The following SGCD variants were observed in gnomAD, a reference collection of about 807,000 sequenced individuals.
The protein encoded by SGCD is sarcoglycan delta, also known as delta-sarcoglycan.
Under a neutral mutation model 36.6 loss-of-function variants are expected in SGCD, and 18 were observed. The observed-to-expected ratio is 0.49, with a 90% CI of 0.34 to 0.73. The LOEUF (loss-of-function observed/expected upper bound fraction) is 0.73, where lower values mean the gene tolerates loss of function less well. Among genes scored for constraint, SGCD ranks in the 30% least tolerant of loss-of-function variants. The pLI is 0.01. For synonymous variants in SGCD, 133 were observed against 130.6 expected, an observed-to-expected ratio of 1.02 and a Z score of -0.12; for missense variants, 387 against 346.7, an observed-to-expected ratio of 1.12 and a Z score of -0.92.
intron 2 of SGCD, among the ~76,000 whole-genome samples, chr5:156,334,628 T>TC (rs1167047318): frequency 6.7e-6 from 1 of 149,900 alleles, no homozygotes; most frequent in African/African-American, 2.5e-5. Flanking sequence ...TTTTTTTTTT[T>TC]TGGCTTTTTT....
chr5:156,580,263 G>T (rs927981888), intron 4 of SGCD, among the ~76,000 whole-genome samples: 2 of 152,238 alleles, frequency 1.3e-5, no homozygotes, highest in Non-Finnish European at 2.9e-5. Context: ...CTGGCTTGCA[G>T]ATCTTCTGCT....
intron 1 of SGCD, among the ~76,000 whole-genome samples, chr5:155,964,576 C>T (rs1757865846): frequency 6.6e-6 from 1 of 152,020 alleles, no homozygotes; most frequent in Non-Finnish European, 1.5e-5. Context: ...GACCTCAAGC[C>T]TTGGCCTCCC....
chr5:156,668,142 G>T (rs1398750060), intron 7 of SGCD, among the ~76,000 whole-genome samples: 3 of 152,136 alleles, frequency 2.0e-5, no homozygotes, highest in Admixed American at 6.6e-5. Flanking sequence ...ATGTTGTGTA[G>T]TACCTGCCCA....
At chr5:156,103,347 TGACATTACAA>T (rs36231312) in intron 1 of SGCD, among the ~76,000 whole-genome samples, 69,268 of 151,566 alleles carry the variant, frequency 0.46, 16,883 homozygotes, top group African/African-American at 0.63. Context: ...TGAATTACTT[TGACATTACAA>T]GACATTACAA....
intron 7 of SGCD, among the ~76,000 whole-genome samples, chr5:156,736,489 T>TA (rs1264407797): frequency 3.9e-5 from 6 of 152,144 alleles, no homozygotes; most frequent in Admixed American, 1.3e-4. Context: ...GAGATTTCCA[T>TA]AAAAAACACT....
chr5:156,383,512 G>T (rs1382996942), intron 3 of SGCD, among the ~76,000 whole-genome samples: 1 of 151,344 alleles, frequency 6.6e-6, no homozygotes. Flanking sequence ...TCTTAAAAAA[G>T]AAAAAGAAAG....
chr5:156,315,751 A>T (rs1561615582), intron 3 of SGCD, among the ~76,000 whole-genome samples: 1 of 151,970 alleles, frequency 6.6e-6, no homozygotes. Context: ...GATAGTAGCC[A>T]TCCTAACAGA....
rs757769130 is a variant in SGCD, at chr5:156,061,919, CTTTTTTTTTTTTTTT to C, written c.-281-55948_-281-55934del. ...TTGGTGATAATTCCAGGAGTTTTCA[CTTTTTTTTTTTTTTT>C]TTTTTTTTTTATTATACTCTAAGTT... is the stretch of plus-strand genomic sequence containing the variant. On this transcript the variant is annotated intron_variant, in intron 1 of 9. Coordinates refer to the SGCD transcript ENST00000517913. 2.1e-4 allele frequency among the ~76,000 whole-genome samples: 15 copies of C among 71,762 alleles called. 3 individuals carry two copies. Among genetic ancestry groups the C allele is most frequent in the African/African-American group, 8.4e-4 (14 of 16,648 alleles). 47.1% of individuals were successfully genotyped at this position (71,762 alleles called of 152,430 possible).
intron 2 of SGCD, among the ~76,000 whole-genome samples, chr5:156,330,495 C>G (rs954347711): frequency 6.6e-6 from 1 of 152,092 alleles, no homozygotes; most frequent in African/African-American, 2.4e-5. Context: ...TTTTTGTAAT[C>G]CTGAGGCTCT....
intron 3 of SGCD, among the ~76,000 whole-genome samples, chr5:156,379,695 A>T (rs968001562): frequency 2.0e-5 from 3 of 152,174 alleles, no homozygotes; most frequent in Non-Finnish European, 4.4e-5. Context: ...ATGAGGTAGA[A>T]CACTATTACA....
Position 156,757,626 on chromosome 5 carries a change from A to C in SGCD, c.621A>C (p.Gly207=). Residue 207 remains glycine (G), a synonymous_variant, in exon 8 of 9, where the codon GGA becomes GGC. Coordinates refer to ENST00000337851, the MANE Select transcript of SGCD (RefSeq NM_000337.6). ...CTCTAGTGATGGAGGCCCCAAAAGG[A>C]GTGGAAATCAATGCAGAAGCTGGCA... ...TRSLVMEAPK[G]VEINAEAGNM... 3 of 1,611,684 alleles carry C rather than the reference A, an allele frequency of 1.9e-6. No individual in the cohort carries two copies. Among genetic ancestry groups the C allele is most frequent in the East Asian group, 2.2e-5 (1 of 44,836 alleles).
At chr5:156,060,330 A>G (rs1281858681) in intron 1 of SGCD, among the ~76,000 whole-genome samples, 2 of 144,502 alleles carry the variant, frequency 1.4e-5, no homozygotes, top group African/African-American at 5.1e-5. Context: ...GATCAATAAT[A>G]TTACCTGATG....
intron 4 of SGCD, among the ~76,000 whole-genome samples, chr5:156,524,536 A>G (rs1011888221): frequency 7.3e-5 from 11 of 151,658 alleles, no homozygotes; most frequent in Non-Finnish European, 1.6e-4. Context: ...AATGACTAAC[A>G]TAATAAAACC....
chr5:155,786,775 T>C, the SGCD span, among the ~76,000 whole-genome samples: 1 of 152,330 alleles, frequency 6.6e-6, no homozygotes, highest in East Asian at 1.9e-4. Context: ...TAGAAATGAA[T>C]GGCCTTTCCA....
chr5:156,571,742 T>A (rs887993038), intron 4 of SGCD, among the ~76,000 whole-genome samples: 1 of 152,216 alleles, frequency 6.6e-6, no homozygotes, highest in Non-Finnish European at 1.5e-5. Context: ...CCCCCAAAAC[T>A]GTTTTACTGT....
At chr5:156,093,981 G>T (rs1038805912) in intron 1 of SGCD, among the ~76,000 whole-genome samples, 1 of 152,176 alleles carries the variant, frequency 6.6e-6, no homozygotes, top group Non-Finnish European at 1.5e-5. Flanking sequence ...TTGCCTAAGT[G>T]GGAATTGCCC....
At chr5:155,931,919 G>A (rs979071261) in intron 1 of SGCD, among the ~76,000 whole-genome samples, 11 of 152,142 alleles carry the variant, frequency 7.2e-5, no homozygotes, top group Admixed American at 6.5e-4. Flanking sequence ...GTCTGATCAG[G>A]TTCCACTTTC....
At chr5:156,268,711 G>A (rs1766070383) in intron 3 of SGCD, among the ~76,000 whole-genome samples, 1 of 152,124 alleles carries the variant, frequency 6.6e-6, no homozygotes, top group Non-Finnish European at 1.5e-5. Context: ...TCTTGCCTCA[G>A]CCTCCTGAGT....
the SGCD span, among the ~76,000 whole-genome samples, chr5:155,729,244 C>G: frequency 6.6e-6 from 1 of 152,226 alleles, no homozygotes; most frequent in Non-Finnish European, 1.5e-5. Context: ...TCCTCACCAA[C>G]GTGCCATTTG....
Sources: allele counts gnomAD v4.1 joint callset (sites outside exome capture counted in the v4.1 genomes callset), GRCh38; gene constraint gnomAD v4.1.1; transcripts MANE v1.5; gene names NCBI Gene and HGNC (gene_info 2026-07-23, HGNC 2026-07-21).